COL23A1: variants seen among roughly 807,000 people sequenced by gnomAD.
COL23A1 encodes the protein collagen alpha-1(XXIII) chain.
COL23A1 carries 97 observed loss-of-function variants against 99.3 expected under a neutral mutation model. The observed-to-expected ratio is 0.98, with a 90% CI of 0.83 to 1.16. The LOEUF (loss-of-function observed/expected upper bound fraction) is 1.16. Ranked by LOEUF, COL23A1 falls within the 50% of genes most tolerant of loss-of-function variation. The pLI, the probability that COL23A1 is intolerant of heterozygous loss-of-function variation, is 0.00. For missense variants in COL23A1, 762 were observed against 757.4 expected, an observed-to-expected ratio of 1.01 and a Z score of -0.07; for synonymous variants, 320 against 308.2, an observed-to-expected ratio of 1.04 and a Z score of -0.40.
At chr5:178,347,913 C>CA (rs372722305) in intron 2 of COL23A1, among the ~76,000 whole-genome samples, 2,609 of 137,680 alleles carry the variant, frequency 0.019, 74 homozygotes, top group African/African-American at 0.063. Context: ...AAAAACAAAA[C>CA]AAAAAAAAAA....
chr5:178,473,071 TGTGACTGTGCCACTGCACTCCAG>T (rs60652442), intron 2 of COL23A1, among the ~76,000 whole-genome samples: 89,293 of 151,404 alleles, frequency 0.59, 27,051 homozygotes, highest in East Asian at 0.92. Flanking sequence ...TGCAGTGAGC[TGTGACTGTGCCACTGCACTCCAG>T]CCTGGGTGAC....
intron 5 of COL23A1, among the ~76,000 whole-genome samples, chr5:178,282,052 C>CGAAAAAAAAA (rs1756928836): frequency 1.0e-5 from 1 of 98,686 alleles, no homozygotes; most frequent in Non-Finnish European, 2.1e-5. Context: ...ACACTGTCTC[C>CGAAAAAAAAA]AAAAAAAAAA....
chr5:178,352,647 G>A (rs146184856), intron 2 of COL23A1, among the ~76,000 whole-genome samples: 1,662 of 152,328 alleles, frequency 0.011, 40 homozygotes, highest in African/African-American at 0.037. Flanking sequence ...AGACAAGGGC[G>A]ATCCGTTTCT....
chr5:178,403,679 G>A (rs1230390614), intron 2 of COL23A1, among the ~76,000 whole-genome samples: 1 of 152,242 alleles, frequency 6.6e-6, no homozygotes, highest in Non-Finnish European at 1.5e-5. Context: ...TATAGTTCCT[G>A]GCTGAGATGC....
At chr5:178,487,326 T>G (rs1329922026) in intron 2 of COL23A1, among the ~76,000 whole-genome samples, 1 of 149,922 alleles carries the variant, frequency 6.7e-6, no homozygotes. Flanking sequence ...ATTTATTTAT[T>G]TATTTATTTA....
intron 2 of COL23A1, among the ~76,000 whole-genome samples, chr5:178,364,930 C>A (rs1459660551): frequency 6.6e-6 from 1 of 152,248 alleles, no homozygotes; most frequent in Admixed American, 6.5e-5. Context: ...GTGCCTGGGG[C>A]TGAACTGGCT....
chr5:178,558,819 C>T (rs1237911095), intron 2 of COL23A1, among the ~76,000 whole-genome samples: 5 of 150,516 alleles, frequency 3.3e-5, no homozygotes, highest in Admixed American at 2.0e-4. Flanking sequence ...GATGGAGTCT[C>T]GCTCTGTCAC....
At chr5:178,538,583 G>A (rs1344782429) in intron 2 of COL23A1, among the ~76,000 whole-genome samples, 1 of 152,188 alleles carries the variant, frequency 6.6e-6, no homozygotes, top group Non-Finnish European at 1.5e-5. Context: ...GAGTAGCACA[G>A]CCTGGAGCAC....
chr5:178,329,431 C>T (rs549845609), intron 2 of COL23A1, among the ~76,000 whole-genome samples: 6 of 152,290 alleles, frequency 3.9e-5, no homozygotes, highest in African/African-American at 1.4e-4. Flanking sequence ...GCTCCCCCTG[C>T]CAGCCAGGAG....
At chr5:178,459,444 G>A (rs1328289547) in intron 2 of COL23A1, among the ~76,000 whole-genome samples, 4 of 152,102 alleles carry the variant, frequency 2.6e-5, no homozygotes, top group African/African-American at 4.8e-5. Context: ...TTCTACTTTC[G>A]TACAGTGTTT....
At chr5:178,547,416 A>C (rs1033603279) in intron 2 of COL23A1, among the ~76,000 whole-genome samples, 1 of 151,386 alleles carries the variant, frequency 6.6e-6, no homozygotes, top group Non-Finnish European at 1.5e-5. Flanking sequence ...TAATCACGTG[A>C]GCCAATTCCT....
At chr5:178,450,152 C>G (rs1158142818) in intron 2 of COL23A1, among the ~76,000 whole-genome samples, 1 of 152,170 alleles carries the variant, frequency 6.6e-6, no homozygotes, top group Non-Finnish European at 1.5e-5. Context: ...ACCCTGAGCC[C>G]TCCCATCCAG....
chr5:178,477,905 G>A (rs771838767), intron 2 of COL23A1, among the ~76,000 whole-genome samples: 6 of 152,248 alleles, frequency 3.9e-5, no homozygotes, highest in Non-Finnish European at 8.8e-5. Flanking sequence ...CCATTTCACA[G>A]ATGAGAAAAT....
At position 178,313,557 on chromosome 5, in the gene COL23A1, G is replaced by A. The variant is rs772818483; in HGVS notation, c.362-6638C>T. 6.6e-6 allele frequency among the ~76,000 whole-genome samples: 1 copy of A among 152,172 alleles called. No homozygotes were observed. The highest frequency in any genetic ancestry group is 1.5e-5 in the Non-Finnish European group (1 of 68,020). Reference sequence around the variant, plus strand: ...CCCAAGGTCACACAGTGGAGAAATGGCGGAACTGGAACTGGAACCCGGGTC... The same window carrying A: ...CCCAAGGTCACACAGTGGAGAAATGACGGAACTGGAACTGGAACCCGGGTC... On this transcript the variant is annotated intron_variant, in intron 2 of 28. Coordinates refer to ENST00000390654, the MANE Select transcript of COL23A1 (RefSeq NM_173465.4). The surrounding 1 kb of genome is among the most constrained non-coding windows in gnomAD (Gnocchi z 4.2).
intron 2 of COL23A1, among the ~76,000 whole-genome samples, chr5:178,523,008 A>C (rs1760036965): frequency 6.6e-6 from 1 of 151,704 alleles, no homozygotes; most frequent in Non-Finnish European, 1.5e-5. Flanking sequence ...AACTGAATGT[A>C]AAAAAACTCC....
intron 2 of COL23A1, among the ~76,000 whole-genome samples, chr5:178,358,226 GTGTGTA>G (rs1399676020): frequency 7.4e-5 from 7 of 95,130 alleles, no homozygotes; most frequent in Non-Finnish European, 1.5e-4. Context: ...TGTGTCTAAT[GTGTGTA>G]TGTGTGTATG....
chr5:178,240,349 G>C (rs1365232536), intron 27 of COL23A1, among the ~76,000 whole-genome samples: 1 of 151,652 alleles, frequency 6.6e-6, no homozygotes, highest in East Asian at 1.9e-4. Flanking sequence ...GAGGGGGGCA[G>C]AATGGAAAGG....
At chr5:178,368,357 C>CGGA (rs1762605213) in intron 2 of COL23A1, among the ~76,000 whole-genome samples, 1 of 152,136 alleles carries the variant, frequency 6.6e-6, no homozygotes, top group Non-Finnish European at 1.5e-5. Context: ...CCCATATCCC[C>CGGA]TCAGCCCACA....
chr5:178,319,603 G>C (rs116581884), intron 2 of COL23A1, among the ~76,000 whole-genome samples: 2,188 of 152,268 alleles, frequency 0.014, 55 homozygotes, highest in African/African-American at 0.05. Flanking sequence ...TGCGCCGTCC[G>C]CTCCCAGCCG....
Sources: allele counts gnomAD v4.1 joint callset (sites outside exome capture counted in the v4.1 genomes callset), GRCh38; gene constraint gnomAD v4.1.1; non-coding constraint Gnocchi (gnomAD v3.1); transcripts MANE v1.5; gene names NCBI Gene and HGNC (gene_info 2026-07-23, HGNC 2026-07-21).